Variants in INPP5K observed in about 807,000 individuals in gnomAD.
INPP5K encodes inositol polyphosphate 5-phosphatase K.
A neutral mutation model predicts 53.5 loss-of-function variants in INPP5K; 35 were observed. The ratio of observed to expected loss-of-function variants is 0.65; its 90% confidence interval spans 0.50 to 0.87. The LOEUF is 0.87. INPP5K is among the 40% of genes least tolerant of loss of function. INPP5K has a pLI of 0.00. For missense variants in INPP5K, 550 were observed against 586.2 expected, an observed-to-expected ratio of 0.94 and a Z score of 0.64; for synonymous variants, 253 against 232.8, an observed-to-expected ratio of 1.09 and a Z score of -0.79.
chr17:1,499,250 C>T lies in INPP5K; in HGVS notation c.777-1128G>A, dbSNP rs148459247. ...ACTGAGAGGCCGCGCGCGGTGCTCA[C>T]GCCTGTAATCCAAGCACTTTGGGAG... On this transcript the variant is annotated intron_variant, in intron 7 of 11. Coordinates refer to ENST00000421807, the MANE Select transcript of INPP5K (RefSeq NM_016532.4). Among the ~76,000 whole-genome samples the T allele has an allele frequency of 3.9e-3, 589 of 152,274 alleles. 3 individuals are homozygous for T. The highest frequency in any genetic ancestry group is 0.014 in the African/African-American group (567 of 41,552).
intron 7 of INPP5K, among the ~76,000 whole-genome samples, chr17:1,505,893 C>T (rs2075143916): frequency 6.6e-6 from 1 of 152,194 alleles, no homozygotes; most frequent in Non-Finnish European, 1.5e-5. Context: ...AGATTAGGTT[C>T]CTTGCCCCAA....
rs766046008 is a variant in INPP5K at position 1,498,000 on chromosome 17, T to C, written c.899A>G (p.Tyr300Cys). 6.2e-7 allele frequency: 1 copy of C among 1,614,114 alleles called. No homozygotes were observed. Among genetic ancestry groups the C allele is most frequent in the East Asian group, 2.2e-5 (1 of 44,890 alleles). The change falls in exon 8 of 12, where the codon TAC becomes TGC. Residue 300 changes from tyrosine (Y) to cysteine (C), a missense_variant. Tyr to Cys is a radical substitution (Grantham distance 194). Coordinates refer to ENST00000421807, the MANE Select transcript of INPP5K (RefSeq NM_016532.4). ...ASHFSLSLRG[Y>C]SSHMTYGISD... is the part of the protein sequence containing the mutation. ...GATGCCGTACGTCATGTGGCTGCTG[T>C]AGCCCCTCAGAGACAAGGAGAAGTG...
chr17:1,496,503 T>C (rs2074845653), intron 9 of INPP5K, 101 bp from the exon 10 acceptor site: 1 of 1,320,704 alleles, frequency 7.6e-7, no homozygotes, highest in Non-Finnish European at 1.1e-6. Flanking sequence ...GCTACCGTAC[T>C]GTGTGCCTCC....
intron 7 of INPP5K, among the ~76,000 whole-genome samples, chr17:1,500,472 C>A (rs1039869119): frequency 6.6e-6 from 1 of 151,830 alleles, no homozygotes; most frequent in Non-Finnish European, 1.5e-5. Flanking sequence ...TCATGCAATT[C>A]TCCTGCCTCA....
rs1348401176 is a variant in INPP5K at position 1,498,017 on chromosome 17, G to A, written c.882C>T (p.Ser294=). 6 of 1,614,044 alleles carry A rather than the reference G, an allele frequency of 3.7e-6. No homozygotes were observed. Among genetic ancestry groups the A allele is most frequent in the Non-Finnish European group, 5.1e-6 (6 of 1,180,016 alleles). The change falls in exon 8 of 12, where the codon TCC becomes TCT. Residue 294 remains serine (S), a synonymous_variant. Transcript: ENST00000421807. ...DTPIPPASHF[S]LSLRGYSSHM... ...GGCTGCTGTAGCCCCTCAGAGACAA[G>A]GAGAAGTGTGACGCCGGCGGTATGG...
chr17:1,511,092 G>T (rs760172245), intron 3 of INPP5K, among the ~76,000 whole-genome samples: 1 of 152,196 alleles, frequency 6.6e-6, no homozygotes, highest in Non-Finnish European at 1.5e-5. Flanking sequence ...GTGCAGCTGG[G>T]TGTCCATGAA....
Position 1,496,711 on chromosome 17 carries a change from G to T in INPP5K, c.1056C>A (p.Thr352=), listed in dbSNP as rs775626565. ...CCCACGGGCTGCTGGGGAAGTCCGA[G>T]GTTGAAGAGTAGCTGACCATCATGT... is the stretch of plus-strand genomic sequence containing the variant. The part of the protein sequence containing the change: ...ENDMMVSYSS[T]SDFPSSPWDW... Residue 352 remains threonine, a synonymous_variant, in exon 9 of 12, where the codon ACC becomes ACA. Transcript: ENST00000421807. The T allele has an allele frequency of 1.2e-6, 2 of 1,614,198 alleles. No individual in the cohort carries two copies. Among genetic ancestry groups the T allele is most frequent in the Non-Finnish European group, 1.7e-6 (2 of 1,180,038 alleles).
rs2074831179 is a variant in INPP5K at position 1,496,158 on chromosome 17, T to G, written c.1192A>C (p.Ile398Leu). The change falls in exon 11 of 12, where the codon ATC becomes CTC. Residue 398 changes from isoleucine to leucine, a missense_variant. Ile to Leu is a conservative substitution (Grantham distance 5, BLOSUM62 2). Transcript: ENST00000421807. The stretch of plus-strand genomic sequence containing the variant: ...GTGGTAGGGATATTGCTGATGTCGA[T>G]GTAAACCTGGAGGGGGATGGACAGG... ...SCSDNLNQVYIDISNIPTTED... is the reference protein window; with the variant it reads ...SCSDNLNQVYLDISNIPTTED... 6.2e-7 allele frequency: 1 copy of G among 1,608,996 alleles called. No homozygotes were observed. Among genetic ancestry groups the G allele is most frequent in the African/African-American group, 1.3e-5 (1 of 74,856 alleles).
At position 1,495,604 on chromosome 17, in the gene INPP5K, C is replaced by T. The variant is rs1015997102; in HGVS notation, c.*219G>A. The T allele has an allele frequency of 9.1e-6, 5 of 551,938 alleles. No homozygotes were observed. Among genetic ancestry groups the T allele is most frequent in the African/African-American group, 1.9e-5 (1 of 52,562 alleles). The allele number at this position is 551,938 out of a possible 1,614,324, so 34.2% of individuals were successfully genotyped here. A position where few individuals can be genotyped will look rare whatever the true frequency, so the allele number is the denominator to read the frequency against. On this transcript the variant is annotated 3_prime_UTR_variant, in exon 12 of 12. Coordinates refer to ENST00000421807, the MANE Select transcript of INPP5K (RefSeq NM_016532.4). ...TTGACACACTAGCTGGTTTCACTCACATCTCAGCAACAAAAACCTGTATTT... is the reference window on the plus strand; with the variant it reads ...TTGACACACTAGCTGGTTTCACTCATATCTCAGCAACAAAAACCTGTATTT...
chr17:1,496,824 G>C (rs1402810337), intron 8 of INPP5K, 21 bp from the exon 9 acceptor site: 4 of 1,612,354 alleles, frequency 2.5e-6, no homozygotes, highest in Non-Finnish European at 3.4e-6. Context: ...GGGTGGGAAG[G>C]GGGCTGAATC....
chr17:1,502,034 CAA>C (rs577456958), intron 7 of INPP5K, among the ~76,000 whole-genome samples: 3 of 132,232 alleles, frequency 2.3e-5, no homozygotes, highest in African/African-American at 2.8e-5. Flanking sequence ...GACTCCATCT[CAA>C]AAAAAAAAAA....
rs1347709461 is a variant in INPP5K at position 1,516,572 on chromosome 17, C to T, written c.-73G>A. On this transcript the variant is annotated 5_prime_UTR_variant, in exon 1 of 12. Transcript: ENST00000421807. The stretch of plus-strand genomic sequence containing the variant: ...GCCAGCGGGTCCCGGCCAGAGCAGC[C>T]CTGCGGGCGGCCGGTCTCACGCGCC... 20 of 1,450,984 alleles carry T rather than the reference C, an allele frequency of 1.4e-5. No homozygotes were observed. In the African/African-American group the frequency reaches 2.4e-4, roughly 17 times the overall value. The allele number at this position is 1,450,984 out of a possible 1,614,324, so 89.9% of individuals were successfully genotyped here. A position where few individuals can be genotyped will look rare whatever the true frequency, so the allele number is the denominator to read the frequency against.
At chr17:1,508,914 C>A (rs1264945230) in intron 5 of INPP5K, 2 of 325,560 alleles carry the variant, frequency 6.1e-6, no homozygotes, top group Non-Finnish European at 5.5e-6. Context: ...GGGCAGAGGG[C>A]GGGGAACGGT....
In INPP5K at chr17:1,516,367, G is replaced by C; in HGVS notation, c.44+89C>G. 5 of 1,364,564 alleles carry C rather than the reference G, an allele frequency of 3.7e-6. No individual in the cohort carries two copies. In the South Asian group the frequency reaches 6.3e-5, roughly 17 times the overall value. The allele number at this position is 1,364,564 out of a possible 1,614,324, so 84.5% of individuals were successfully genotyped here. A position where few individuals can be genotyped will look rare whatever the true frequency, so the allele number is the denominator to read the frequency against. On this transcript the variant is annotated intron_variant, in intron 1 of 11. Transcript: ENST00000421807. Reference sequence around the variant, plus strand: ...CCTCTGAACCAAAGGCAGTCATGGAGGTCTGGTGCCTTGTCCACCCCCAGC... The same window carrying C: ...CCTCTGAACCAAAGGCAGTCATGGACGTCTGGTGCCTTGTCCACCCCCAGC...
chr17:1,514,281 C>T (rs1185486198), intron 1 of INPP5K, among the ~76,000 whole-genome samples: 1 of 148,180 alleles, frequency 6.7e-6, no homozygotes, highest in African/African-American at 2.5e-5. Context: ...CGACATTGTG[C>T]CACTGCACTC....
intron 1 of INPP5K, 61 bp downstream of exon 1, chr17:1,516,395 G>A: frequency 4.6e-6 from 7 of 1,523,118 alleles, no homozygotes; most frequent in African/African-American, 4.2e-5. Context: ...CCCCCAGCCC[G>A]CAGCCCAAGG....
Position 1,513,571 on chromosome 17 carries a change from C to T in INPP5K, c.153-10G>A, listed in dbSNP as rs756404766. On this transcript the variant is annotated splice_polypyrimidine_tract_variant and intron_variant, in intron 2 of 11. Transcript: ENST00000421807. ...GTTCAATTCCTGCAAACTGACCATG[C>T]CAGCTCAGAGGCTTGGCCCCTGGCC... 1 of 1,611,496 alleles carries T rather than the reference C, an allele frequency of 6.2e-7. No homozygotes were observed. The highest frequency in any genetic ancestry group is 8.5e-7 in the Non-Finnish European group (1 of 1,177,558).
At chr17:1,515,770 T>G (rs1598396205) in intron 1 of INPP5K, 3 of 616,732 alleles carry the variant, frequency 4.9e-6, no homozygotes, top group Non-Finnish European at 6.1e-6. Context: ...AGAAACCACC[T>G]TCCCAGGCAC....
intron 2 of INPP5K, 79 bp from the exon 3 acceptor site, chr17:1,513,640 C>G (rs541406592): frequency 1.5e-6 from 2 of 1,309,202 alleles, no homozygotes; most frequent in East Asian, 2.3e-5. Context: ...ACCATCTTCA[C>G]GGACTTTCAA....
Sources: allele counts gnomAD v4.1 joint callset (sites outside exome capture counted in the v4.1 genomes callset), GRCh38; gene constraint gnomAD v4.1.1; transcripts MANE v1.5; gene names NCBI Gene and HGNC (gene_info 2026-07-23, HGNC 2026-07-21).